Variants in TTC3 observed in about 807,000 individuals in gnomAD.
The protein encoded by TTC3 is tetratricopeptide repeat domain 3.
Under a neutral mutation model 249.6 loss-of-function variants are expected in TTC3, and 180 were observed. That is an observed-to-expected ratio of 0.72 (90% confidence interval 0.64 to 0.82). TTC3 has a LOEUF of 0.82. Among genes scored for constraint, TTC3 ranks in the 40% least tolerant of loss-of-function variants. TTC3 has a pLI of 0.00. For synonymous variants in TTC3, 717 were observed against 805.0 expected (o/e 0.89, Z 1.85); for missense variants, 2,061 against 2,398.4 (o/e 0.86, Z 2.94).
chr21:37,102,129 A>G (rs959503433), intron 10 of TTC3, among the ~76,000 whole-genome samples: 2 of 152,110 alleles, frequency 1.3e-5, no homozygotes, highest in East Asian at 1.9e-4. Context: ...GAATGAAAGA[A>G]CATATCATTT....
chr21:37,165,765 A>G, exon 33 of TTC3: 1 of 1,613,690 alleles, frequency 6.2e-7, no homozygotes, highest in Non-Finnish European at 8.5e-7. Flanking sequence ...AAAAGGAAGA[A>G]GAAAAACATT....
intron 1 of TTC3, 93 bp from the exon 2 acceptor site, chr21:37,087,154 G>A: frequency 7.1e-7 from 1 of 1,416,548 alleles, no homozygotes; most frequent in Non-Finnish European, 9.6e-7. Flanking sequence ...TAGGTTCCAA[G>A]TATTTTTCTA....
exon 33 of TTC3, chr21:37,165,939 C>T: frequency 6.2e-7 from 1 of 1,614,174 alleles, no homozygotes; most frequent in Non-Finnish European, 8.5e-7. Context: ...CCTGTGTCTG[C>T]AAATTCTCCC....
intron 34 of TTC3, 133 bp downstream of exon 34, chr21:37,167,753 A>C (rs1385784301): frequency 3.9e-6 from 2 of 511,402 alleles, no homozygotes; most frequent in Non-Finnish European, 6.3e-6. Flanking sequence ...TTGAGAACAT[A>C]ACAAAAAAAT....
intron 39 of TTC3, among the ~76,000 whole-genome samples, chr21:37,189,039 T>TA (rs1373814868): frequency 3.3e-5 from 5 of 152,204 alleles, no homozygotes; most frequent in African/African-American, 1.2e-4. Flanking sequence ...AGCATCCTTA[T>TA]AGTTAACTTT....
intron 20 of TTC3, 97 bp downstream of exon 20, chr21:37,140,770 C>T (rs2078370399): frequency 1.4e-6 from 1 of 714,528 alleles, no homozygotes; most frequent in Non-Finnish European, 2.2e-6. Context: ...TTGATATCTC[C>T]TCTGTAGCAC....
rs772313796 is a variant in TTC3, at chr21:37,200,228, A to T, written c.5851-4A>T. On this transcript the variant is annotated splice_polypyrimidine_tract_variant and splice_region_variant and intron_variant, in intron 44 of 45. Coordinates refer to ENST00000355666, the Ensembl canonical transcript of TTC3. ...TTACTATTCAGGTGTGTTTGTTTCC[A>T]CAGGCACTGGGTGCAAGTTCCTGTG... 9.3e-6 allele frequency: 15 copies of T among 1,613,896 alleles called. No homozygotes were observed. The highest frequency in any genetic ancestry group is 8.5e-7 in the Non-Finnish European group (1 of 1,179,968).
chr21:37,095,254 T>C, intron 8 of TTC3, 96 bp from the exon 9 acceptor site: 2 of 744,890 alleles, frequency 2.7e-6, no homozygotes, highest in Non-Finnish European at 4.5e-6. Context: ...ATTTCTGATA[T>C]CGAAGATAGA....
chr21:37,130,980 T>C (rs181714170), intron 16 of TTC3, among the ~76,000 whole-genome samples: 43 of 152,320 alleles, frequency 2.8e-4, no homozygotes, highest in Admixed American at 4.6e-4. Flanking sequence ...TATTGTGAAA[T>C]GGTTCTCTTA....
intron 44 of TTC3, 43 bp downstream of exon 44, chr21:37,198,068 A>G (rs1394309853): frequency 6.6e-7 from 1 of 1,525,166 alleles, no homozygotes; most frequent in African/African-American, 1.4e-5. Context: ...GAAAAACAAG[A>G]AGCAAACAAA....
intron 32 of TTC3, among the ~76,000 whole-genome samples, chr21:37,164,443 A>G (rs1180525044): frequency 6.6e-6 from 1 of 151,076 alleles, no homozygotes; most frequent in Non-Finnish European, 1.5e-5. Flanking sequence ...GGTTCAGGTG[A>G]TTGTCATGCG....
exon 46 of TTC3, chr21:37,201,530 T>A: frequency 6.2e-7 from 1 of 1,614,050 alleles, no homozygotes; most frequent in Non-Finnish European, 8.5e-7. Flanking sequence ...TGGAAGAGGC[T>A]GGCCCAGTCA....
chr21:37,148,494 G>A lies in TTC3; in HGVS notation c.2017-52G>A, dbSNP rs1007690187. The A allele has an allele frequency of 4.4e-6, 4 of 918,712 alleles. No homozygotes were observed. The African/African-American group carries it at 5.2e-5, about 12-fold the overall frequency. The allele number at this position is 918,712 out of a possible 1,614,324, so 56.9% of individuals were successfully genotyped here. On this transcript the variant is annotated intron_variant, in intron 22 of 45. Coordinates refer to ENST00000355666, the Ensembl canonical transcript of TTC3. ...TCTTTATGTATGTTGTAGTGAGTGA[G>A]TGTGCAGAGACATCTTTAAAACGTT...
chr21:37,083,514 C>A, intron 1 of TTC3: 1 of 581,130 alleles, frequency 1.7e-6, no homozygotes, highest in Non-Finnish European at 2.2e-6. Context: ...TATATGTGTG[C>A]TAATTTTAGA....
intron 11 of TTC3, among the ~76,000 whole-genome samples, chr21:37,114,510 A>G (rs1019371922): frequency 6.6e-5 from 10 of 152,232 alleles, no homozygotes; most frequent in Admixed American, 3.3e-4. Context: ...TAGAATGGCA[A>G]TCATTAAAAA....
At chr21:37,194,354 C>G (rs996020580) in intron 41 of TTC3, 2 of 152,172 alleles carry the variant, frequency 1.3e-5, no homozygotes, top group African/African-American at 4.8e-5. Context: ...CTCACATGGT[C>G]ACATTGTGAC....
intron 5 of TTC3, 59 bp downstream of exon 5, chr21:37,088,945 A>G: frequency 1.3e-6 from 2 of 1,485,632 alleles, no homozygotes; most frequent in Non-Finnish European, 1.9e-6. Flanking sequence ...AAGCATTTAT[A>G]TGGTGTTAGG....
At chr21:37,085,690 G>A (rs978344961) in intron 1 of TTC3, 1 of 152,272 alleles carries the variant, frequency 6.6e-6, no homozygotes, top group African/African-American at 2.4e-5. Context: ...TGAAGATCAT[G>A]TTAGTTGAGG....
chr21:37,095,879 C>T (rs896753342), intron 9 of TTC3, among the ~76,000 whole-genome samples: 13 of 152,212 alleles, frequency 8.5e-5, no homozygotes, highest in Non-Finnish European at 1.9e-4. Context: ...TGCTCTCTAC[C>T]TTGTCTTCTC....
Sources: gnomAD v4.1 joint callset for allele counts (sites outside exome capture counted in the v4.1 genomes callset) on GRCh38, gnomAD v4.1.1 for gene constraint, MANE v1.5 for transcripts, NCBI Gene and HGNC (gene_info 2026-07-23, HGNC 2026-07-21) for gene names.